Variants in SLIT3 observed in about 807,000 individuals in gnomAD.
SLIT3 encodes the protein slit homolog 3 protein.
SLIT3 carries 68 observed loss-of-function variants against 184.0 expected under a neutral mutation model. That is an observed-to-expected ratio of 0.37 (90% CI 0.30 to 0.45). The LOEUF (loss-of-function observed/expected upper bound fraction) is 0.45, where lower values mean the gene tolerates loss of function less well. Among genes scored for constraint, SLIT3 ranks in the 20% least tolerant of loss-of-function variants. The pLI, the probability that SLIT3 is intolerant of heterozygous loss-of-function variation, is 1.00. For missense variants in SLIT3, 1,707 were observed against 2,026.0 expected (o/e 0.84, Z 3.02); for synonymous variants, 831 against 828.6 (o/e 1.00, Z -0.05).
chr5:168,754,784 G>A (rs1426286203), intron 16 of SLIT3, among the ~76,000 whole-genome samples: 1 of 152,158 alleles, frequency 6.6e-6, no homozygotes, highest in Non-Finnish European at 1.5e-5. Context: ...CAGGCTGGAT[G>A]GGATTTGAAG....
At chr5:169,180,784 A>G (rs1485841750) in intron 4 of SLIT3, among the ~76,000 whole-genome samples, 2 of 152,224 alleles carry the variant, frequency 1.3e-5, no homozygotes, top group African/African-American at 2.4e-5. Context: ...GTCACACATA[A>G]GGGAAAAGGA....
intron 4 of SLIT3, among the ~76,000 whole-genome samples, chr5:169,147,783 G>A (rs1369327209): frequency 6.6e-6 from 1 of 152,124 alleles, no homozygotes; most frequent in Non-Finnish European, 1.5e-5. Flanking sequence ...GGTGCAACCT[G>A]CGCCAGCTGT....
At chr5:168,685,466 T>A (rs888510676) in intron 31 of SLIT3, among the ~76,000 whole-genome samples, 1 of 152,198 alleles carries the variant, frequency 6.6e-6, no homozygotes, top group African/African-American at 2.4e-5. Context: ...TCTGGAGGAA[T>A]GAGTGAATGA....
At chr5:168,844,189 G>T (rs1375121851) in intron 6 of SLIT3, among the ~76,000 whole-genome samples, 1 of 151,996 alleles carries the variant, frequency 6.6e-6, no homozygotes, top group Admixed American at 6.6e-5. Flanking sequence ...CCCAACCCCG[G>T]CCCCTGTCTC....
intron 5 of SLIT3, among the ~76,000 whole-genome samples, chr5:168,845,822 A>C (rs974266822): frequency 1.3e-5 from 2 of 152,210 alleles, no homozygotes; most frequent in African/African-American, 4.8e-5. Context: ...AGAGCACACT[A>C]TGGTCTTTGG....
chr5:169,071,881 TAGAGGAAGAAGG>T (rs897127575), intron 4 of SLIT3, among the ~76,000 whole-genome samples: 1 of 152,036 alleles, frequency 6.6e-6, no homozygotes, highest in Non-Finnish European at 1.5e-5. Flanking sequence ...TCATTTTGGT[TAGAGGAAGAAGG>T]GGAGAAAGGA....
chr5:168,876,348 C>A (rs992113094), intron 5 of SLIT3, among the ~76,000 whole-genome samples: 4 of 152,124 alleles, frequency 2.6e-5, no homozygotes, highest in African/African-American at 9.7e-5. Context: ...AAGTGAAAAT[C>A]TGATCATGCC....
intron 34 of SLIT3, 30 bp from the exon 35 acceptor site, chr5:168,670,021 A>G (rs753774347): frequency 5.6e-6 from 9 of 1,601,842 alleles, no homozygotes; most frequent in Non-Finnish European, 7.7e-6. Context: ...TGAGAAGGGA[A>G]CTGGATCAGA....
chr5:168,921,117 A>G lies in SLIT3; in HGVS notation c.414-37781T>C, dbSNP rs1761622122. ...AATCGGTATTTGGACATCATCTGTC[A>G]TCTGACATGTGGAAAGGAAAATGAT... On this transcript the variant is annotated intron_variant, in intron 4 of 35. Coordinates refer to ENST00000519560, the MANE Select transcript of SLIT3 (RefSeq NM_003062.4). Among the ~76,000 whole-genome samples the G allele has an allele frequency of 2.6e-5, 4 of 152,194 alleles. No individual in the cohort carries two copies. In the South Asian group the frequency reaches 8.3e-4, roughly 32 times the overall value.
intron 5 of SLIT3, among the ~76,000 whole-genome samples, chr5:168,857,184 C>G (rs1328861040): frequency 6.6e-6 from 1 of 152,038 alleles, no homozygotes; most frequent in Non-Finnish European, 1.5e-5. Context: ...CCAGAGCTCT[C>G]CATTGCAGCT....
rs185095058 is a variant in SLIT3 at position 168,986,308 on chromosome 5, C to T, written c.414-102972G>A. The stretch of plus-strand genomic sequence containing the variant: ...AGGGGAGAATTAACCCACTTGAGAT[C>T]GGTCAGTTTGTGAAGGAGCCATGCA... On this transcript the variant is annotated intron_variant, in intron 4 of 35. Coordinates refer to ENST00000519560, the MANE Select transcript of SLIT3 (RefSeq NM_003062.4). Among the ~76,000 whole-genome samples, 8 of 152,168 alleles carry T rather than the reference C, an allele frequency of 5.3e-5. No homozygotes were observed. The South Asian group carries it at 6.2e-4, about 12-fold the overall frequency.
At chr5:168,845,019 A>G (rs960153218) in intron 5 of SLIT3, among the ~76,000 whole-genome samples, 1 of 151,188 alleles carries the variant, frequency 6.6e-6, no homozygotes, top group African/African-American at 2.4e-5. Context: ...AGGCCTGTAA[A>G]TCATTGGAGG....
At chr5:168,979,254 G>T (rs1364288973) in intron 4 of SLIT3, among the ~76,000 whole-genome samples, 3 of 152,314 alleles carry the variant, frequency 2.0e-5, no homozygotes, top group Admixed American at 6.5e-5. Flanking sequence ...TGCTCTGCAG[G>T]CTAAATATCA....
At position 168,772,578 on chromosome 5, in the gene SLIT3, G is replaced by A. The variant is rs200987276; in HGVS notation, c.1459+203C>T. On this transcript the variant is annotated intron_variant, in intron 14 of 35. Transcript: ENST00000519560. ...TCCTCCCCATGCTTTTATTGTGTGT[G>A]TGTGTGTGTGTGTGTGTTTTATTTT... is the stretch of plus-strand genomic sequence containing the variant. 5.5e-4 allele frequency: 320 copies of A among 585,788 alleles called. 3 individuals carry two copies. Among genetic ancestry groups the A allele is most frequent in the Admixed American group, 8.9e-4 (29 of 32,608 alleles). The allele number at this position is 585,788 out of a possible 1,614,324, so 36.3% of individuals were successfully genotyped here.
chr5:169,111,262 T>C (rs557512618), intron 4 of SLIT3, among the ~76,000 whole-genome samples: 6 of 152,322 alleles, frequency 3.9e-5, no homozygotes, highest in East Asian at 1.9e-4. Flanking sequence ...GACTATAAAT[T>C]GCACCTACTT....
intron 4 of SLIT3, among the ~76,000 whole-genome samples, chr5:169,033,189 A>G (rs575436113): frequency 9.9e-5 from 15 of 152,042 alleles, no homozygotes; most frequent in South Asian, 4.2e-4. Context: ...GATTCCACAT[A>G]TACTTGAAAC....
chr5:169,293,796 T>C (rs1327583218), intron 1 of SLIT3, among the ~76,000 whole-genome samples: 1 of 152,196 alleles, frequency 6.6e-6, no homozygotes, highest in Non-Finnish European at 1.5e-5. Context: ...GTATCAAACA[T>C]GGTACTGACA....
chr5:168,914,910 C>T lies in SLIT3; in HGVS notation c.414-31574G>A, dbSNP rs552148576. Among the ~76,000 whole-genome samples, 5 of 152,268 alleles carry T rather than the reference C, an allele frequency of 3.3e-5. No homozygotes were observed. The East Asian group carries it at 9.7e-4, about 29-fold the overall frequency. ...GGGTAAAAATGTAGGCTTACTGTCA[C>T]TAGCCAGATTTCTTTTTCTTGATTT... On this transcript the variant is annotated intron_variant, in intron 4 of 35. Coordinates refer to ENST00000519560, the MANE Select transcript of SLIT3 (RefSeq NM_003062.4).
At chr5:168,959,899 A>C (rs539403031) in intron 4 of SLIT3, among the ~76,000 whole-genome samples, 38 of 152,300 alleles carry the variant, frequency 2.5e-4, no homozygotes, top group African/African-American at 7.9e-4. Context: ...CACTTCTAAC[A>C]GTCCTGTGAG....
Sources: allele counts gnomAD v4.1 joint callset (sites outside exome capture counted in the v4.1 genomes callset), GRCh38; gene constraint gnomAD v4.1.1; transcripts MANE v1.5; gene names NCBI Gene and HGNC (gene_info 2026-07-23, HGNC 2026-07-21).